The following SGCZ variants were observed in gnomAD, a reference collection of about 807,000 sequenced individuals.
SGCZ encodes zeta-sarcoglycan.
Under a neutral mutation model 41.3 loss-of-function variants are expected in SGCZ, and 40 were observed. The observed-to-expected ratio is 0.97, with a 90% CI of 0.75 to 1.26. The LOEUF is 1.26. Ranked by LOEUF, SGCZ falls within the 50% of genes most tolerant of loss-of-function variation. The pLI, the probability that SGCZ is intolerant of heterozygous loss-of-function variation, is 0.00. For synonymous variants in SGCZ, 206 were observed against 137.5 expected, an observed-to-expected ratio of 1.50 and a Z score of -3.49; for missense variants, 552 against 369.8, an observed-to-expected ratio of 1.49 and a Z score of -4.04.
intron 1 of SGCZ, among the ~76,000 whole-genome samples, chr8:14,674,863 C>A (rs1170075659): frequency 1.3e-5 from 2 of 151,186 alleles, no homozygotes; most frequent in African/African-American, 4.9e-5. Context: ...TCGTTGAGGC[C>A]TCCCCAGAAG....
intron 1 of SGCZ, among the ~76,000 whole-genome samples, chr8:14,690,923 A>G (rs1808780383): frequency 6.6e-6 from 1 of 152,180 alleles, no homozygotes; most frequent in Non-Finnish European, 1.5e-5. Context: ...ATGTGCTGTA[A>G]GCATTGCACT....
At chr8:14,920,684 T>C (rs1799563378) in intron 1 of SGCZ, among the ~76,000 whole-genome samples, 1 of 152,118 alleles carries the variant, frequency 6.6e-6, no homozygotes, top group South Asian at 2.1e-4. Context: ...ATACGAGAGA[T>C]TTAAAAATAT....
At chr8:14,837,903 A>G (rs1473412152) in intron 1 of SGCZ, among the ~76,000 whole-genome samples, 2 of 152,288 alleles carry the variant, frequency 1.3e-5, no homozygotes, top group East Asian at 3.9e-4. Context: ...TCAAGCATTT[A>G]CTGTTTCCTT....
chr8:15,169,588 G>A (rs1288484836), intron 1 of SGCZ, among the ~76,000 whole-genome samples: 1 of 145,454 alleles, frequency 6.9e-6, no homozygotes, highest in Non-Finnish European at 1.5e-5. Flanking sequence ...CACTGTAACA[G>A]AGTACCCTAG....
intron 1 of SGCZ, among the ~76,000 whole-genome samples, chr8:14,704,439 T>C (rs540268221): frequency 6.6e-6 from 1 of 152,148 alleles, no homozygotes; most frequent in East Asian, 1.9e-4. Flanking sequence ...GATAAGTTTT[T>C]CAAAAGGCAA....
chr8:14,388,482 T>C (rs1298039233), intron 2 of SGCZ, among the ~76,000 whole-genome samples: 2 of 152,176 alleles, frequency 1.3e-5, no homozygotes, highest in African/African-American at 4.8e-5. Context: ...ATCTATCTGA[T>C]GATTTTAATT....
At chr8:14,274,634 G>A (rs936775608) in intron 3 of SGCZ, among the ~76,000 whole-genome samples, 1 of 151,992 alleles carries the variant, frequency 6.6e-6, no homozygotes, top group Non-Finnish European at 1.5e-5. Context: ...CGAGCTTATG[G>A]TAAGTGACGT....
At chr8:14,676,944 A>G (rs973093333) in intron 1 of SGCZ, among the ~76,000 whole-genome samples, 2 of 152,208 alleles carry the variant, frequency 1.3e-5, no homozygotes, top group Non-Finnish European at 2.9e-5. Context: ...TTTCAACATC[A>G]TACTGTAAAT....
chr8:14,962,793 A>G (rs1801004308), intron 1 of SGCZ, among the ~76,000 whole-genome samples: 1 of 152,318 alleles, frequency 6.6e-6, no homozygotes, highest in South Asian at 2.1e-4. Flanking sequence ...AGTGTCCCGC[A>G]TTAAGAAATT....
Position 14,867,652 on chromosome 8 carries a change from CA to C in SGCZ, c.40-312727del, listed in dbSNP as rs371794105. Among the ~76,000 whole-genome samples the C allele has an allele frequency of 4.0e-3, 611 of 152,084 alleles. 4 individuals carry two copies. Among genetic ancestry groups the C allele is most frequent in the South Asian group, 0.018 (85 of 4,806 alleles). On this transcript the variant is annotated intron_variant, in intron 1 of 7. Coordinates refer to ENST00000382080, the MANE Select transcript of SGCZ (RefSeq NM_139167.4). ...GTTTAATATGAGCCATTATCCTTAG[CA>C]AACTAACACAGGAACAGAAAACCAA...
intron 2 of SGCZ, among the ~76,000 whole-genome samples, chr8:14,506,142 C>T (rs1028807024): frequency 1.3e-5 from 2 of 151,982 alleles, no homozygotes; most frequent in Non-Finnish European, 2.9e-5. Flanking sequence ...TCAAGACCAG[C>T]CTGGCAAGCA....
chr8:14,592,433 G>A (rs1272381779), intron 1 of SGCZ, among the ~76,000 whole-genome samples: 2 of 151,806 alleles, frequency 1.3e-5, no homozygotes, highest in Non-Finnish European at 2.9e-5. Flanking sequence ...TCATATTCAG[G>A]ATTCTATTTT....
intron 1 of SGCZ, among the ~76,000 whole-genome samples, chr8:14,616,128 C>G (rs1338199058): frequency 6.6e-6 from 1 of 151,884 alleles, no homozygotes; most frequent in Non-Finnish European, 1.5e-5. Context: ...CTAAAAAATA[C>G]AAAATTTAGC....
intron 1 of SGCZ, among the ~76,000 whole-genome samples, chr8:15,180,247 C>T (rs1800128589): frequency 6.6e-6 from 1 of 152,008 alleles, no homozygotes; most frequent in African/African-American, 2.4e-5. Context: ...TATCTGAGTG[C>T]TTCAAATGTG....
At chr8:14,588,830 T>C (rs1485536257) in intron 1 of SGCZ, among the ~76,000 whole-genome samples, 1 of 152,164 alleles carries the variant, frequency 6.6e-6, no homozygotes, top group African/African-American at 2.4e-5. Flanking sequence ...ATCAATTAAA[T>C]TTACCCTCTG....
chr8:14,628,860 G>C (rs1465860079), intron 1 of SGCZ, among the ~76,000 whole-genome samples: 5 of 152,000 alleles, frequency 3.3e-5, no homozygotes, highest in Non-Finnish European at 7.4e-5. Context: ...TGGACCTTTT[G>C]GTGTGGTTCT....
chr8:15,181,098 G>T (rs903251744), intron 1 of SGCZ, among the ~76,000 whole-genome samples: 1 of 151,836 alleles, frequency 6.6e-6, no homozygotes. Flanking sequence ...AAAGAAAAAA[G>T]AAATCCAAGA....
At chr8:14,554,561 G>C (rs1803971667) in intron 2 of SGCZ, among the ~76,000 whole-genome samples, 171 bp downstream of exon 2, 1 of 151,912 alleles carries the variant, frequency 6.6e-6, no homozygotes, top group Non-Finnish European at 1.5e-5. Flanking sequence ...CGTGTGTCAG[G>C]ACTGAACCTA....
At chr8:14,129,993 A>C (rs570611653) in intron 5 of SGCZ, among the ~76,000 whole-genome samples, 1 of 152,332 alleles carries the variant, frequency 6.6e-6, no homozygotes, top group Admixed American at 6.5e-5. Context: ...ACGTGATCCC[A>C]AGTTCATATG....
Sources: allele counts gnomAD v4.1 joint callset (sites outside exome capture counted in the v4.1 genomes callset), GRCh38; gene constraint gnomAD v4.1.1; transcripts MANE v1.5; gene names NCBI Gene and HGNC (gene_info 2026-07-23, HGNC 2026-07-21).